Variants in NFS1 observed in about 807,000 individuals in gnomAD.
NFS1 encodes NFS1 cysteine desulfurase.
In NFS1, 26 loss-of-function variants were observed where a neutral mutation model predicts 57.3. The observed-to-expected ratio is 0.45, with a 90% CI of 0.33 to 0.63. The LOEUF (loss-of-function observed/expected upper bound fraction) is 0.63. Ranked by LOEUF, NFS1 falls within the 20% of genes least tolerant of loss-of-function variation. The probability of loss-of-function intolerance (pLI) is 0.02; values close to 1 mark genes in which losing one functional copy is unlikely to be tolerated. For synonymous variants in NFS1, 209 were observed against 216.3 expected (o/e 0.97, Z 0.30); for missense variants, 505 against 605.8 (o/e 0.83, Z 1.75).
At chr20:35,684,362 C>T (rs780418438) in intron 5 of NFS1, among the ~76,000 whole-genome samples, 7 of 150,334 alleles carry the variant, frequency 4.7e-5, no homozygotes, top group African/African-American at 4.9e-5. Flanking sequence ...GAGCAGAGAT[C>T]GCGCCACTGC....
At chr20:35,675,285 ATTAC>A (rs2034722666) in intron 7 of NFS1, 83 bp from the exon 8 acceptor site, 22 of 1,378,938 alleles carry the variant, frequency 1.6e-5, no homozygotes, top group Non-Finnish European at 2.1e-5. Context: ...GGATCAAAAT[ATTAC>A]TTCAACTTTT....
At chr20:35,690,386 G>A in intron 5 of NFS1, 27 bp downstream of exon 5, 1 of 1,596,080 alleles carries the variant, frequency 6.3e-7, no homozygotes, top group Non-Finnish European at 8.5e-7. Context: ...CTCCATTTTT[G>A]CTCCTCCTGC....
intron 5 of NFS1, among the ~76,000 whole-genome samples, chr20:35,689,968 A>C (rs1036338412): frequency 6.9e-6 from 1 of 145,578 alleles, no homozygotes; most frequent in Non-Finnish European, 1.5e-5. Flanking sequence ...GCCTGGTGGC[A>C]TGCGTCTGTA....
chr20:35,684,302 A>G (rs11697903), intron 5 of NFS1, among the ~76,000 whole-genome samples: 38,905 of 150,514 alleles, frequency 0.26, 5,792 homozygotes, highest in African/African-American at 0.42. Context: ...TACTTGGGGA[A>G]GGGGCTGAGG....
intron 6 of NFS1, among the ~76,000 whole-genome samples, chr20:35,681,103 C>A (rs1442306810): frequency 1.3e-5 from 2 of 151,436 alleles, no homozygotes; most frequent in African/African-American, 4.9e-5. Context: ...AGATGAAGGG[C>A]AAAGCACCAG....
At chr20:35,685,302 C>CT (rs1208819201) in intron 5 of NFS1, among the ~76,000 whole-genome samples, 1 of 151,696 alleles carries the variant, frequency 6.6e-6, no homozygotes, top group African/African-American at 2.4e-5. Context: ...TCATTTGAGC[C>CT]TAGGAGGTCA....
intron 5 of NFS1, among the ~76,000 whole-genome samples, chr20:35,689,790 T>G (rs1232811008): frequency 1.5e-5 from 2 of 137,580 alleles, no homozygotes; most frequent in African/African-American, 5.4e-5. Flanking sequence ...AAAAAAAAAT[T>G]AGCCAGGTGT....
intron 4 of NFS1, among the ~76,000 whole-genome samples, chr20:35,694,359 G>A (rs1036191877): frequency 7.2e-5 from 11 of 152,000 alleles, no homozygotes; most frequent in Non-Finnish European, 1.3e-4. Context: ...TGGTCAGGCT[G>A]GTCTCGAACT....
At position 35,680,869 on chromosome 20, in the gene NFS1, G is replaced by A. The variant is rs746772811; in HGVS notation, c.658C>T (p.Arg220Trp). Residue 220 changes from arginine (R) to tryptophan (W), a missense_variant and splice_region_variant, in exon 7 of 13, where the codon CGG (arginine) becomes TGG (tryptophan). Transcript: ENST00000374092. The part of the protein sequence containing the change: ...GVKQPIAEIG[R>W]ICSSRKVYFH... ...TATACCTTTCTGGAACTGCAAATCCGCCCTGAGGAAACAGAGGGGAAGACC... is the reference window on the plus strand; with the variant it reads ...TATACCTTTCTGGAACTGCAAATCCACCCTGAGGAAACAGAGGGGAAGACC... The A allele has an allele frequency of 6.0e-6, 9 of 1,510,770 alleles. No individual in the cohort carries two copies. The African/African-American group carries it at 7.1e-5, about 12-fold the overall frequency. The allele number at this position is 1,510,770 out of a possible 1,614,324, so 93.6% of individuals were successfully genotyped here.
intron 6 of NFS1, among the ~76,000 whole-genome samples, 186 bp from the exon 7 acceptor site, chr20:35,681,057 CTG>C (rs926763824): frequency 2.6e-5 from 4 of 151,612 alleles, no homozygotes; most frequent in Non-Finnish European, 5.9e-5. Context: ...TCCTCCCTCT[CTG>C]TGTCTCAGTA....
rs1006820376 is a variant in NFS1, at chr20:35,699,297, T to C, written c.-9A>G. 1.4e-6 allele frequency: 2 copies of C among 1,400,716 alleles called. No homozygotes were observed. The highest frequency in any genetic ancestry group is 9.2e-7 in the Non-Finnish European group (1 of 1,085,304). 86.8% of individuals were successfully genotyped at this position (1,400,716 alleles called of 1,614,324 possible). On this transcript the variant is annotated 5_prime_UTR_variant, in exon 1 of 13. Coordinates refer to ENST00000374092, the MANE Select transcript of NFS1 (RefSeq NM_021100.5). This position sits in a 1 kb window ranked among gnomAD's most constrained non-coding sequence, Gnocchi z 4.4. ...GCGGCTCGGAGCAGCATGGTCCCGC[T>C]GGCAGAGCCCACCTTCCGAAGCCGC...
chr20:35,689,350 C>G (rs1314402282), intron 5 of NFS1, among the ~76,000 whole-genome samples: 3 of 152,048 alleles, frequency 2.0e-5, no homozygotes, highest in Non-Finnish European at 4.4e-5. Context: ...TAGAGCCAGG[C>G]ATGGCGGCTC....
intron 2 of NFS1, 71 bp downstream of exon 2, chr20:35,698,410 G>A: frequency 8.6e-7 from 1 of 1,165,984 alleles, no homozygotes; most frequent in Non-Finnish European, 1.2e-6. Flanking sequence ...CAGGGATTCA[G>A]CCATTTCTTT....
At chr20:35,674,966 T>G (rs2034716048) in intron 8 of NFS1, 79 bp downstream of exon 8, 1 of 1,574,778 alleles carries the variant, frequency 6.4e-7, no homozygotes, top group African/African-American at 1.3e-5. Flanking sequence ...GAGATCTGCC[T>G]CAGTCATGCT....
chr20:35,672,887 G>T, intron 11 of NFS1, 43 bp from the exon 12 acceptor site: 1 of 1,178,476 alleles, frequency 8.5e-7, no homozygotes, highest in Non-Finnish European at 1.2e-6. Flanking sequence ...CAGAGCTCTG[G>T]CACTGGGATA....
chr20:35,670,781 A>G (rs2034640090), intron 12 of NFS1, among the ~76,000 whole-genome samples: 1 of 152,232 alleles, frequency 6.6e-6, no homozygotes, highest in South Asian at 2.1e-4. Flanking sequence ...ATACCACAGA[A>G]TACCAGAAAG....
intron 10 of NFS1, 126 bp downstream of exon 10, chr20:35,674,224 A>G: frequency 2.5e-6 from 2 of 805,876 alleles, no homozygotes; most frequent in South Asian, 1.4e-5. Context: ...AGAGGCACTT[A>G]CAAAATGACC....
rs1188660833 is a variant in NFS1, at chr20:35,686,090, C to T, written c.562-4109G>A. On this transcript the variant is annotated intron_variant, in intron 5 of 12. Coordinates refer to ENST00000374092, the MANE Select transcript of NFS1 (RefSeq NM_021100.5). The stretch of plus-strand genomic sequence containing the variant: ...GATTACAGGCGCCCTCAACCACACC[C>T]GGCTAATTTTTGTATTTTTTAGTAG... Among the ~76,000 whole-genome samples, 7 of 151,150 alleles carry T rather than the reference C, an allele frequency of 4.6e-5. 1 individual carries two copies. Among genetic ancestry groups the T allele is most frequent in the Non-Finnish European group, 8.8e-5 (6 of 67,802 alleles).
At chr20:35,680,452 T>C (rs531585756) in intron 7 of NFS1, among the ~76,000 whole-genome samples, 11 of 152,234 alleles carry the variant, frequency 7.2e-5, no homozygotes, top group South Asian at 2.1e-4. Flanking sequence ...CTAGATAAAT[T>C]TGATTTGACA....
Sources: gnomAD v4.1 joint callset for allele counts (sites outside exome capture counted in the v4.1 genomes callset) on GRCh38, gnomAD v4.1.1 for gene constraint, Gnocchi (gnomAD v3.1) non-coding constraint, MANE v1.5 for transcripts, NCBI Gene and HGNC (gene_info 2026-07-23, HGNC 2026-07-21) for gene names.